CNTNAP2: variants seen among roughly 807,000 people sequenced by gnomAD.
The protein encoded by CNTNAP2 is contactin-associated protein-like 2.
CNTNAP2 carries 98 observed loss-of-function variants against 155.2 expected under a neutral mutation model. The ratio of observed to expected loss-of-function variants is 0.63; its 90% CI spans 0.54 to 0.75. The LOEUF (loss-of-function observed/expected upper bound fraction) is 0.75. Among genes scored for constraint, CNTNAP2 ranks in the 30% least tolerant of loss-of-function variants. CNTNAP2 has a pLI of 0.00. For synonymous variants in CNTNAP2, 651 were observed against 631.2 expected (o/e 1.03, Z -0.47); for missense variants, 1,727 against 1,688.1 (o/e 1.02, Z -0.40).
chr7:147,314,308 T>A (rs951768518), intron 9 of CNTNAP2, among the ~76,000 whole-genome samples: 1 of 152,204 alleles, frequency 6.6e-6, no homozygotes, highest in Admixed American at 6.5e-5. Flanking sequence ...TAATTCAGCC[T>A]ACTTCAAAAG....
chr7:146,948,533 TAA>T, intron 3 of CNTNAP2, among the ~76,000 whole-genome samples: 1 of 152,194 alleles, frequency 6.6e-6, no homozygotes, highest in Admixed American at 6.6e-5. Context: ...ATTTAGGGCC[TAA>T]TCAGGAGTTT....
chr7:148,387,988 T>C (rs1281264418), intron 22 of CNTNAP2, among the ~76,000 whole-genome samples: 3 of 152,028 alleles, frequency 2.0e-5, no homozygotes, highest in African/African-American at 4.8e-5. Flanking sequence ...ATAAATGCCA[T>C]AGCAATGTCA....
At chr7:147,618,682 TTA>T (rs377467290) in intron 12 of CNTNAP2, among the ~76,000 whole-genome samples, 4 of 142,460 alleles carry the variant, frequency 2.8e-5, no homozygotes, top group Non-Finnish European at 4.4e-5. Context: ...ATAACAGCTA[TTA>T]TATATATATA....
At chr7:147,134,372 G>A (rs1801437470) in intron 8 of CNTNAP2, among the ~76,000 whole-genome samples, 1 of 151,730 alleles carries the variant, frequency 6.6e-6, no homozygotes, top group Non-Finnish European at 1.5e-5. Flanking sequence ...AATAAAAATG[G>A]ACTGAAGAGT....
chr7:146,958,053 A>G (rs1235130529), intron 3 of CNTNAP2, among the ~76,000 whole-genome samples: 2 of 152,152 alleles, frequency 1.3e-5, no homozygotes, highest in Admixed American at 1.3e-4. Flanking sequence ...TATTCTTGAA[A>G]TTGTCTATTC....
At chr7:146,568,824 C>T (rs1233522247) in intron 1 of CNTNAP2, among the ~76,000 whole-genome samples, 1 of 151,960 alleles carries the variant, frequency 6.6e-6, no homozygotes, top group African/African-American at 2.4e-5. Context: ...CCCATGTTTC[C>T]AGCTGTATGA....
At chr7:148,408,747 T>C (rs1440653152) in intron 22 of CNTNAP2, among the ~76,000 whole-genome samples, 1 of 152,228 alleles carries the variant, frequency 6.6e-6, no homozygotes, top group East Asian at 1.9e-4. Flanking sequence ...CGGGATCTAT[T>C]TGCCTTTACC....
At chr7:147,752,149 G>A (rs1797146379) in intron 13 of CNTNAP2, among the ~76,000 whole-genome samples, 1 of 152,126 alleles carries the variant, frequency 6.6e-6, no homozygotes, top group Non-Finnish European at 1.5e-5. Context: ...TCTACAATCG[G>A]TTTCTTTGAT....
At chr7:148,375,516 C>T (rs948902225) in intron 21 of CNTNAP2, among the ~76,000 whole-genome samples, 35 of 150,292 alleles carry the variant, frequency 2.3e-4, no homozygotes, top group African/African-American at 8.3e-4. Flanking sequence ...TCCACCACCA[C>T]GCCCAGCTAA....
At chr7:146,525,532 T>TTATCTATCTATCTATC (rs71175655) in intron 1 of CNTNAP2, among the ~76,000 whole-genome samples, 65 of 147,954 alleles carry the variant, frequency 4.4e-4, no homozygotes, top group Non-Finnish European at 7.5e-4. Flanking sequence ...TCTTTTCAGT[T>TTATCTATCTATCTATC]TATCTATCTA....
chr7:146,472,751 G>A (rs1484653875), intron 1 of CNTNAP2, among the ~76,000 whole-genome samples: 1 of 151,780 alleles, frequency 6.6e-6, no homozygotes, highest in Non-Finnish European at 1.5e-5. Flanking sequence ...TAGCCACGTA[G>A]TTGGTATTTT....
At chr7:146,257,632 G>A (rs758790288) in intron 1 of CNTNAP2, among the ~76,000 whole-genome samples, 6 of 152,256 alleles carry the variant, frequency 3.9e-5, no homozygotes, top group Non-Finnish European at 8.8e-5. Context: ...TGGAAGCCCT[G>A]GCCCAATACT....
chr7:146,371,958 CAAA>C (rs111816450), intron 1 of CNTNAP2, among the ~76,000 whole-genome samples: 1 of 107,696 alleles, frequency 9.3e-6, no homozygotes, highest in Non-Finnish European at 2.1e-5. Context: ...AACTCCATCT[CAAA>C]AAAAAAAAAA....
At chr7:147,650,011 C>G (rs1795426283) in intron 13 of CNTNAP2, among the ~76,000 whole-genome samples, 1 of 151,970 alleles carries the variant, frequency 6.6e-6, no homozygotes, top group Non-Finnish European at 1.5e-5. Context: ...TCTGTACATA[C>G]TTTCACAGAA....
At chr7:147,779,800 A>G (rs1352875505) in intron 13 of CNTNAP2, among the ~76,000 whole-genome samples, 1 of 152,230 alleles carries the variant, frequency 6.6e-6, no homozygotes, top group Non-Finnish European at 1.5e-5. Context: ...GGAGTTCACC[A>G]GAAGTCTACC....
intron 8 of CNTNAP2, among the ~76,000 whole-genome samples, chr7:147,203,431 C>T (rs1802959929): frequency 1.3e-5 from 2 of 152,024 alleles, no homozygotes; most frequent in African/African-American, 2.4e-5. Flanking sequence ...AGTGTTTCAT[C>T]ATGTTGGCCA....
intron 1 of CNTNAP2, among the ~76,000 whole-genome samples, chr7:146,725,918 TCTCCCGTTCAGC>T (rs1191163853): frequency 6.6e-6 from 1 of 152,128 alleles, no homozygotes; most frequent in Non-Finnish European, 1.5e-5. Context: ...AAAATTTCTG[TCTCCCGTTCAGC>T]CAGCTCTGCA....
chr7:147,903,824 T>C (rs1222800290), intron 14 of CNTNAP2, 103 bp downstream of exon 14: 2 of 1,402,106 alleles, frequency 1.4e-6, no homozygotes, highest in Non-Finnish European at 2.0e-6. Flanking sequence ...AATAATACGA[T>C]AATAGGGTAG....
intron 18 of CNTNAP2, among the ~76,000 whole-genome samples, chr7:148,195,562 T>C (rs2116723514): frequency 6.6e-6 from 1 of 152,344 alleles, no homozygotes; most frequent in South Asian, 2.1e-4. Flanking sequence ...TTAAGCACAA[T>C]TGATCTCATT....
Sources: allele counts gnomAD v4.1 joint callset (sites outside exome capture counted in the v4.1 genomes callset), GRCh38; gene constraint gnomAD v4.1.1; transcripts MANE v1.5; gene names NCBI Gene and HGNC (gene_info 2026-07-23, HGNC 2026-07-21).